KIAA0753: variants seen among roughly 807,000 people sequenced by gnomAD.
KIAA0753 encodes protein moonraker.
Under a neutral mutation model 116.9 loss-of-function variants are expected in KIAA0753, and 114 were observed. The observed-to-expected ratio is 0.98, with a 90% CI of 0.84 to 1.14. The LOEUF (loss-of-function observed/expected upper bound fraction) is 1.14, where lower values mean the gene tolerates loss of function less well. Among genes scored for constraint, KIAA0753 ranks in the 50% most tolerant of loss-of-function variants. The pLI is 0.00. For missense variants in KIAA0753, 1,156 were observed against 1,172.4 expected (o/e 0.99, Z 0.20); for synonymous variants, 405 against 413.1 (o/e 0.98, Z 0.24).
At chr17:6,605,146 C>A (rs1970114946) in intron 12 of KIAA0753, among the ~76,000 whole-genome samples, 1 of 148,388 alleles carries the variant, frequency 6.7e-6, no homozygotes, top group South Asian at 2.2e-4. Context: ...TCAAAACAAG[C>A]AAGTAAACTG....
At chr17:6,611,301 T>C (rs1970525458) in intron 8 of KIAA0753, among the ~76,000 whole-genome samples, 1 of 152,120 alleles carries the variant, frequency 6.6e-6, no homozygotes, top group Non-Finnish European at 1.5e-5. Flanking sequence ...TAGCAGGAAC[T>C]AATTTTTTTT....
Position 6,596,315 on chromosome 17 carries a change from T to A in KIAA0753, c.2201A>T (p.Asn734Ile). Residue 734 changes from asparagine to isoleucine, a missense_variant, in exon 15 of 19, where the codon AAC becomes ATC. Physicochemically the swap from Asn to Ile is moderately radical, Grantham distance 149 (BLOSUM62 -3). Transcript: ENST00000361413. ...CAAAAAATCATCAAGCTGACGAATG[T>A]TGTTGGATTCAAAATCAACAGCTGC... ...EVAAVDFESN[N>I]IRQLDDFLED... 1 of 1,613,726 alleles carries A rather than the reference T, an allele frequency of 6.2e-7. No individual in the cohort carries two copies. The highest frequency in any genetic ancestry group is 8.5e-7 in the Non-Finnish European group (1 of 1,179,824).
intron 14 of KIAA0753, among the ~76,000 whole-genome samples, chr17:6,598,617 T>C (rs1404935821): frequency 1.3e-5 from 2 of 152,230 alleles, no homozygotes; most frequent in Non-Finnish European, 2.9e-5. Context: ...ATTAAATGGA[T>C]GCAACTTGCA....
chr17:6,635,636 T>TAA (rs1484787170), intron 1 of KIAA0753: 1 of 152,494 alleles, frequency 6.6e-6, no homozygotes, highest in Non-Finnish European at 1.5e-5. Flanking sequence ...TAAGTAAACC[T>TAA]GTAGCATCAG....
At chr17:6,612,771 G>T (rs2150843445) in intron 7 of KIAA0753, among the ~76,000 whole-genome samples, 1 of 152,314 alleles carries the variant, frequency 6.6e-6, no homozygotes, top group Admixed American at 6.5e-5. Context: ...AGGAGGCTGA[G>T]GCAGGAGAAT....
At position 6,589,761 on chromosome 17, in the gene KIAA0753, C is replaced by G; in HGVS notation, c.2786+18G>C. The G allele has an allele frequency of 1.3e-6, 2 of 1,577,826 alleles. No homozygotes were observed. The highest frequency in any genetic ancestry group is 1.4e-5 in the African/African-American group (1 of 72,926). On this transcript the variant is annotated intron_variant, in intron 18 of 18. Coordinates refer to ENST00000361413, the MANE Select transcript of KIAA0753 (RefSeq NM_014804.3). ...TGCAATTTGGTTCCTAAACAGAGGA[C>G]CGTAACATTTTACTGACCTTTCAGC...
chr17:6,596,138 C>G lies in KIAA0753; in HGVS notation c.2358+20G>C. 1 of 1,607,988 alleles carries G rather than the reference C, an allele frequency of 6.2e-7. No individual in the cohort carries two copies. Among genetic ancestry groups the G allele is most frequent in the Non-Finnish European group, 8.5e-7 (1 of 1,175,528 alleles). The stretch of plus-strand genomic sequence containing the variant: ...GGCCAGCCCCTAGCAGCGAACCAGA[C>G]CCGGAGCCCCAGACCTTACTTCCAT... On this transcript the variant is annotated intron_variant, in intron 15 of 18. Transcript: ENST00000361413.
Position 6,609,990 on chromosome 17 carries a change from A to G in KIAA0753, c.1712+4T>C. 6.2e-7 allele frequency: 1 copy of G among 1,613,750 alleles called. No homozygotes were observed. The highest frequency in any genetic ancestry group is 1.1e-5 in the South Asian group (1 of 91,046). On this transcript the variant is annotated splice_donor_region_variant and intron_variant, in intron 9 of 18. Coordinates refer to ENST00000361413, the MANE Select transcript of KIAA0753 (RefSeq NM_014804.3). ...CACAAACGGTCCCTTGAGTTTTCAC[A>G]TACCATTTAGGAGACGCTGGTGGGG...
chr17:6,592,112 A>G (rs1969113577), intron 16 of KIAA0753, among the ~76,000 whole-genome samples: 1 of 152,258 alleles, frequency 6.6e-6, no homozygotes, highest in African/African-American at 2.4e-5. Flanking sequence ...CTGTTATGTG[A>G]GAATGAAAAT....
At position 6,622,970 on chromosome 17, in the gene KIAA0753, AG is replaced by A; in HGVS notation, c.1015del (p.Ile340PhefsTer22). The A allele has an allele frequency of 6.2e-7, 1 of 1,614,224 alleles. No individual in the cohort carries two copies. The highest frequency in any genetic ancestry group is 8.5e-7 in the Non-Finnish European group (1 of 1,180,022). On this transcript the variant is annotated frameshift_variant, in exon 6 of 19. Coordinates refer to ENST00000361413, the MANE Select transcript of KIAA0753 (RefSeq NM_014804.3). LOFTEE classifies it high-confidence loss of function. ...LPARCKELGS[L>X]IRQLSLCSVK... ...AGAACAAAGTGAAAGCTGGCGAATA[AG>A]GCTGCCCAGTTCCTTACACCGAGCA...
intron 5 of KIAA0753, 62 bp downstream of exon 5, chr17:6,623,446 TA>T: frequency 7.2e-7 from 1 of 1,397,356 alleles, no homozygotes; most frequent in Non-Finnish European, 1.0e-6. Flanking sequence ...TACACAATAC[TA>T]ACAAAACACT....
intron 2 of KIAA0753, among the ~76,000 whole-genome samples, chr17:6,631,005 G>A (rs1451371071): frequency 1.3e-5 from 2 of 152,092 alleles, no homozygotes; most frequent in Non-Finnish European, 2.9e-5. Flanking sequence ...GAGGGAATGG[G>A]GTAGCAGATA....
intron 18 of KIAA0753, among the ~76,000 whole-genome samples, chr17:6,585,021 T>C (rs970153504): frequency 2.6e-5 from 4 of 152,158 alleles, no homozygotes; most frequent in Non-Finnish European, 4.4e-5. Context: ...ATCAAACTCC[T>C]GGGCTCAAGC....
intron 16 of KIAA0753, among the ~76,000 whole-genome samples, chr17:6,591,048 AAG>A (rs1968992059): frequency 3.5e-5 from 1 of 28,738 alleles, no homozygotes; most frequent in Non-Finnish European, 8.3e-5. Context: ...AAGGAAGAAG[AAG>A]AAGAAGAAGA....
At chr17:6,609,954 A>G in intron 9 of KIAA0753, 40 bp downstream of exon 9, 1 of 1,602,470 alleles carries the variant, frequency 6.2e-7, no homozygotes, top group Non-Finnish European at 8.5e-7. Context: ...GAGGAAAAAG[A>G]GCATCACATA....
chr17:6,586,269 T>C (rs1968569163), intron 18 of KIAA0753, among the ~76,000 whole-genome samples: 1 of 152,176 alleles, frequency 6.6e-6, no homozygotes, highest in South Asian at 2.1e-4. Flanking sequence ...TGCAGAACTG[T>C]AAGCTAATGA....
intron 18 of KIAA0753, 76 bp downstream of exon 18, chr17:6,589,703 T>C (rs992330826): frequency 8.8e-6 from 10 of 1,140,236 alleles, no homozygotes; most frequent in Middle Eastern, 5.9e-4. Context: ...CCTTGGCTAA[T>C]GCTTTCTCCA....
chr17:6,628,480 C>A lies in KIAA0753; in HGVS notation c.355G>T (p.Glu119Ter), dbSNP rs571105900. 5.6e-6 allele frequency: 9 copies of A among 1,614,154 alleles called. No individual in the cohort carries two copies. The South Asian group carries it at 8.8e-5, about 16-fold the overall frequency. Reference sequence around the variant, plus strand: ...TGAGGCTGACTTCTGAGATGATGTTCTTTTATATGTTTTTCAAATTGTCTT... The same window carrying A: ...TGAGGCTGACTTCTGAGATGATGTTATTTTATATGTTTTTCAAATTGTCTT... ...KRRQFEKHIK[E>*]HHLRSQPQSS... Residue 119 changes from glutamate (E) to a stop codon, truncating the protein, a stop_gained, in exon 3 of 19, where the codon GAA becomes TAA. Transcript: ENST00000361413. LOFTEE classifies it high-confidence loss of function.
chr17:6,628,379 T>C lies in KIAA0753; in HGVS notation c.456A>G (p.Gln152=). Residue 152 remains glutamine (Q), a synonymous_variant, in exon 3 of 19, where the codon CAA becomes CAG. Coordinates refer to ENST00000361413, the MANE Select transcript of KIAA0753 (RefSeq NM_014804.3). The part of the protein sequence containing the change: ...HRVERKESKS[Q]AACQCSHQPS... ...GCTGGTGGCTACACTGACAGGCTGC[T>C]TGACTCTTTGATTCCTTCCTTTCCA... The C allele has an allele frequency of 6.2e-7, 1 of 1,614,234 alleles. No individual in the cohort carries two copies. The highest frequency in any genetic ancestry group is 8.5e-7 in the Non-Finnish European group (1 of 1,180,028).
Sources: allele counts gnomAD v4.1 joint callset (sites outside exome capture counted in the v4.1 genomes callset), GRCh38; gene constraint gnomAD v4.1.1; transcripts MANE v1.5; gene names NCBI Gene and HGNC (gene_info 2026-07-23, HGNC 2026-07-21).